Variants in COL22A1 observed in about 807,000 individuals in gnomAD.
COL22A1 encodes the protein collagen alpha-1(XXII) chain.
COL22A1 carries 221 observed loss-of-function variants against 248.9 expected under a neutral mutation model. That is an observed-to-expected ratio of 0.89 (90% CI 0.80 to 0.99). COL22A1 has a LOEUF of 0.99. Among genes scored for constraint, COL22A1 ranks in the 50% least tolerant of loss-of-function variants. COL22A1 has a pLI of 0.00. For synonymous variants in COL22A1, 891 were observed against 793.4 expected (o/e 1.12, Z -2.07); for missense variants, 2,240 against 2,179.0 (o/e 1.03, Z -0.56).
At chr8:138,684,798 CTT>C (rs1386086892) in intron 38 of COL22A1, among the ~76,000 whole-genome samples, 2 of 152,178 alleles carry the variant, frequency 1.3e-5, no homozygotes, top group Non-Finnish European at 2.9e-5. Context: ...GAAACCTTCA[CTT>C]CAGGCTGAAG....
In COL22A1 at chr8:138,598,779, C is replaced by T. The variant is rs775677308; in HGVS notation, c.4305G>A (p.Gly1435=). 2.5e-6 allele frequency: 4 copies of T among 1,614,136 alleles called. No individual in the cohort carries two copies. In the Admixed American group the frequency reaches 6.7e-5, roughly 27 times the overall value. Residue 1435 remains glycine (G), a synonymous_variant, in exon 61 of 65, where the codon GGG becomes GGA. Transcript: ENST00000303045. The part of the protein sequence containing the change: ...TGLMGPQGLP[G]ENGPVGPPGP... ...CTGGGGGTCCAACTGGTCCATTCTC[C>T]CCAGGTAGTCCTTGGGGACCCATCA...
At chr8:138,765,732 G>A (rs1833862006) in intron 16 of COL22A1, among the ~76,000 whole-genome samples, 1 of 152,248 alleles carries the variant, frequency 6.6e-6, no homozygotes, top group Non-Finnish European at 1.5e-5. Context: ...AAAGCTGTCT[G>A]TCTTGCAGAC....
At chr8:138,617,004 G>C in intron 53 of COL22A1, 46 bp from the exon 54 acceptor site, 1 of 1,609,678 alleles carries the variant, frequency 6.2e-7, no homozygotes, top group Non-Finnish European at 8.5e-7. Context: ...GCAGGCTCTT[G>C]GGGCAGAAGT....
At chr8:138,692,270 T>TTGTGGAGGTGTATGTGTGGAGGTGTGTA (rs1827104402) in intron 35 of COL22A1, among the ~76,000 whole-genome samples, 1 of 42,964 alleles carries the variant, frequency 2.3e-5, no homozygotes, top group African/African-American at 1.2e-4. Context: ...GTGTGCATGT[T>TTGTGGAGGTGTATGTGTGGAGGTGTGTA]TGTGTGCACA....
intron 36 of COL22A1, 105 bp from the exon 37 acceptor site, chr8:138,689,075 G>T (rs539169048): frequency 5.7e-6 from 5 of 870,038 alleles, no homozygotes; most frequent in Non-Finnish European, 9.8e-6. Flanking sequence ...TGAAGTCAAC[G>T]ACTACAGCTC....
At chr8:138,755,086 C>A in intron 21 of COL22A1, 71 bp downstream of exon 21, 1 of 1,483,574 alleles carries the variant, frequency 6.7e-7, no homozygotes. Flanking sequence ...CCGGGAATGA[C>A]TCTGATCTTC....
At chr8:138,705,248 C>A (rs1164893713) in intron 30 of COL22A1, among the ~76,000 whole-genome samples, 5 of 152,146 alleles carry the variant, frequency 3.3e-5, no homozygotes, top group African/African-American at 9.7e-5. Flanking sequence ...CTTAGCGAGG[C>A]AGGCCAACGT....
intron 3 of COL22A1, among the ~76,000 whole-genome samples, chr8:138,849,160 T>C (rs547989475): frequency 6.6e-6 from 1 of 152,302 alleles, no homozygotes; most frequent in African/African-American, 2.4e-5. Flanking sequence ...ATCATGTTCA[T>C]AAGGATTACA....
chr8:138,758,858 G>A (rs1320581744), intron 18 of COL22A1, among the ~76,000 whole-genome samples: 2 of 152,190 alleles, frequency 1.3e-5, no homozygotes, highest in East Asian at 3.9e-4. Flanking sequence ...CAAATATGAA[G>A]GGCCAAACCC....
At chr8:138,680,094 G>A (rs1275954010) in intron 39 of COL22A1, among the ~76,000 whole-genome samples, 3 of 152,034 alleles carry the variant, frequency 2.0e-5, no homozygotes, top group East Asian at 1.9e-4. Flanking sequence ...TTTAGAAAAC[G>A]GCCCCAAGAA....
intron 3 of COL22A1, among the ~76,000 whole-genome samples, chr8:138,876,466 G>T (rs1016643047): frequency 3.9e-5 from 6 of 152,196 alleles, no homozygotes; most frequent in Admixed American, 3.9e-4. Flanking sequence ...GCTGTGTCTT[G>T]TCTTTTTCTG....
chr8:138,635,032 G>A lies in COL22A1; in HGVS notation c.3587C>T (p.Pro1196Leu), dbSNP rs1377129418. The change falls in exon 49 of 65, where the codon CCC becomes CTC. Residue 1196 changes from proline (P) to leucine (L), a missense_variant. By Grantham distance (98) the Pro-to-Leu change is moderately conservative (BLOSUM62 -3). Transcript: ENST00000303045. ...TACTGGTGGCCCAGGGTTCCCTGGG[G>A]GCCCCATGAAACCTGGAACTCCAGG... ...GHPGVPGFMG[P>L]PGNPGPPGAD... The A allele has an allele frequency of 6.2e-7, 1 of 1,609,714 alleles. No individual in the cohort carries two copies. The highest frequency in any genetic ancestry group is 8.5e-7 in the Non-Finnish European group (1 of 1,177,340).
intron 7 of COL22A1, 26 bp from the exon 8 acceptor site, chr8:138,813,045 A>G (rs771900374): frequency 2.3e-5 from 37 of 1,599,578 alleles, no homozygotes; most frequent in Admixed American, 1.0e-4. Context: ...AGGAGAGAGG[A>G]TAAGTTTTAG....
rs757493373 is a variant in COL22A1, at chr8:138,900,809, C to G, written c.-73+12810G>C. On this transcript the variant is annotated intron_variant, in intron 1 of 64. Transcript: ENST00000303045. ...CCGGGTGTAGCAGTGTTCCTGCCTCCATCCAGCTTACTTTCTAGAGAGAGA... is the reference window on the plus strand; with the variant it reads ...CCGGGTGTAGCAGTGTTCCTGCCTCGATCCAGCTTACTTTCTAGAGAGAGA... 4.8e-3 allele frequency among the ~76,000 whole-genome samples: 733 copies of G among 152,264 alleles called. 5 individuals are homozygous for G. Among genetic ancestry groups the G allele is most frequent in the Non-Finnish European group, 8.1e-3 (548 of 68,022 alleles).
intron 45 of COL22A1, among the ~76,000 whole-genome samples, chr8:138,653,145 C>T (rs759284059): frequency 3.9e-5 from 6 of 152,118 alleles, no homozygotes; most frequent in Non-Finnish European, 8.8e-5. Flanking sequence ...CAACAAAATG[C>T]TTACTACATG....
At chr8:138,726,564 G>A (rs1830333289) in intron 23 of COL22A1, among the ~76,000 whole-genome samples, 1 of 151,598 alleles carries the variant, frequency 6.6e-6, no homozygotes, top group South Asian at 2.1e-4. Flanking sequence ...ACAGATCTAG[G>A]TCCAGGGGGT....
chr8:138,808,816 C>A (rs10090299), intron 9 of COL22A1, among the ~76,000 whole-genome samples: 1 of 151,986 alleles, frequency 6.6e-6, no homozygotes, highest in East Asian at 1.9e-4. Context: ...CTCAGGCAAA[C>A]GAAGATAAAT....
At chr8:138,863,181 C>A (rs1822616277) in intron 3 of COL22A1, among the ~76,000 whole-genome samples, 1 of 152,216 alleles carries the variant, frequency 6.6e-6, no homozygotes, top group Non-Finnish European at 1.5e-5. Context: ...TCTTTCCTTG[C>A]AGATGCCTAA....
chr8:138,800,132 T>G (rs1244161333), intron 11 of COL22A1, among the ~76,000 whole-genome samples: 1 of 152,216 alleles, frequency 6.6e-6, no homozygotes, highest in Non-Finnish European at 1.5e-5. Flanking sequence ...ATGGCCCTCT[T>G]CTCTTGGAAC....
Sources: allele counts gnomAD v4.1 joint callset (sites outside exome capture counted in the v4.1 genomes callset), GRCh38; gene constraint gnomAD v4.1.1; transcripts MANE v1.5; gene names NCBI Gene and HGNC (gene_info 2026-07-23, HGNC 2026-07-21).